The following ANKRD55 variants were observed in gnomAD, a reference collection of about 807,000 sequenced individuals.
The protein encoded by ANKRD55 is ankyrin repeat domain-containing protein 55.
A neutral mutation model predicts 60.6 loss-of-function variants in ANKRD55; 41 were observed. The observed-to-expected ratio is 0.68, with a 90% CI of 0.53 to 0.88. ANKRD55 has a LOEUF of 0.88. Among genes scored for constraint, ANKRD55 ranks in the 40% least tolerant of loss-of-function variants. The pLI, the probability that ANKRD55 is intolerant of heterozygous loss-of-function variation, is 0.00. For missense variants in ANKRD55, 732 were observed against 767.6 expected (o/e 0.95, Z 0.55); for synonymous variants, 264 against 290.3 (o/e 0.91, Z 0.92).
chr5:56,220,045 T>C (rs1759922172), intron 2 of ANKRD55, among the ~76,000 whole-genome samples: 1 of 152,216 alleles, frequency 6.6e-6, no homozygotes, highest in South Asian at 2.1e-4. Context: ...GAGGCTGAGC[T>C]GAGGGAGAGC....
intron 7 of ANKRD55, among the ~76,000 whole-genome samples, chr5:56,128,333 C>T (rs566739395): frequency 2.0e-5 from 3 of 152,284 alleles, no homozygotes; most frequent in South Asian, 2.1e-4. Flanking sequence ...ACCCCACACT[C>T]GTACTCTCTT....
At chr5:56,190,653 G>A (rs1262398927) in intron 2 of ANKRD55, among the ~76,000 whole-genome samples, 1 of 151,966 alleles carries the variant, frequency 6.6e-6, no homozygotes, top group African/African-American at 2.4e-5. Context: ...AACTTATTTG[G>A]CTCATGGTTC....
At chr5:56,117,758 C>T (rs1756923204) in intron 8 of ANKRD55, among the ~76,000 whole-genome samples, 2 of 152,136 alleles carry the variant, frequency 1.3e-5, no homozygotes, top group South Asian at 4.1e-4. Context: ...GGCTGACTTT[C>T]AATTTTTAAG....
intron 7 of ANKRD55, among the ~76,000 whole-genome samples, chr5:56,132,648 C>A (rs1333975214): frequency 6.7e-6 from 1 of 149,644 alleles, no homozygotes; most frequent in African/African-American, 2.5e-5. Context: ...CAAATATGAT[C>A]GATGTTACTC....
chr5:56,214,623 C>T (rs1759759220), intron 2 of ANKRD55, among the ~76,000 whole-genome samples: 1 of 152,192 alleles, frequency 6.6e-6, no homozygotes, highest in African/African-American at 2.4e-5. Flanking sequence ...CTCCAGTGGC[C>T]ATGGGATTTA....
chr5:56,127,536 G>A (rs756980840), intron 7 of ANKRD55: 235 of 985,242 alleles, frequency 2.4e-4, no homozygotes, highest in Admixed American at 3.7e-4. Context: ...TTAAAGAAGT[G>A]ACTATGATGA....
At chr5:56,127,609 G>A in intron 7 of ANKRD55, 1 of 982,898 alleles carries the variant, frequency 1.0e-6, no homozygotes, top group Non-Finnish European at 1.2e-6. Context: ...CCAAGGAGCA[G>A]GGGGCTGAGA....
rs1236229181 is a variant in ANKRD55 at position 56,183,523 on chromosome 5, C to G, written c.170G>C (p.Cys57Ser). 2 of 1,614,022 alleles carry G rather than the reference C, an allele frequency of 1.2e-6. No individual in the cohort carries two copies. Among genetic ancestry groups the G allele is most frequent in the Non-Finnish European group, 1.7e-6 (2 of 1,180,012 alleles). ...CATACATATCTCACCTTCACTGTCA[C>G]AGCATTCTAGGATAGAAGGGTCTTC... ...IREDPSILECCDSEGCTPLMH... is the reference protein window; with the variant it reads ...IREDPSILECSDSEGCTPLMH... Residue 57 changes from cysteine (C) to serine (S), a missense_variant, in exon 3 of 12, where the codon TGT (cysteine) becomes TCT (serine). Transcript: ENST00000341048.
chr5:56,170,870 C>T, intron 4 of ANKRD55, 67 bp from the exon 5 acceptor site: 1 of 1,440,620 alleles, frequency 6.9e-7, no homozygotes. Context: ...AACAAACTTT[C>T]TCTAGATTTT....
At chr5:56,106,154 A>T (rs947058715) in intron 10 of ANKRD55, among the ~76,000 whole-genome samples, 6 of 152,200 alleles carry the variant, frequency 3.9e-5, no homozygotes, top group Non-Finnish European at 5.9e-5. Context: ...TAACAGCAGC[A>T]CTACTAACTC....
In ANKRD55 at chr5:56,100,249, T is replaced by C. The variant is rs1214069004; in HGVS notation, c.1779A>G (p.Gln593=). Residue 593 remains glutamine, a synonymous_variant, in exon 12 of 12, where the codon CAA becomes CAG. Transcript: ENST00000341048. ...CTTCTGCTGCTGTGCTGTGTCTTCG[T>C]TGACTTGGAATTGCAGGAAGCACTC... ...TNRVLPAIPS[Q]RRHSTAAEES... The C allele has an allele frequency of 6.2e-7, 1 of 1,614,122 alleles. No individual in the cohort carries two copies. The highest frequency in any genetic ancestry group is 8.5e-7 in the Non-Finnish European group (1 of 1,180,056).
In ANKRD55 at chr5:56,232,845, C is replaced by T. The variant is rs1273582274; in HGVS notation, c.58+11G>A. 2 of 1,613,462 alleles carry T rather than the reference C, an allele frequency of 1.2e-6. No homozygotes were observed. The highest frequency in any genetic ancestry group is 2.2e-5 in the South Asian group (2 of 91,070). On this transcript the variant is annotated intron_variant, in intron 2 of 11. Transcript: ENST00000341048. ...CTAACAACCAAAGAATGTGTTAAAGCAGCATTTTACCTCTTTGCTGATCAA... is the reference window on the plus strand; with the variant it reads ...CTAACAACCAAAGAATGTGTTAAAGTAGCATTTTACCTCTTTGCTGATCAA...
intron 7 of ANKRD55, among the ~76,000 whole-genome samples, chr5:56,143,386 A>G (rs1230149156): frequency 1.3e-5 from 2 of 152,136 alleles, no homozygotes; most frequent in African/African-American, 4.8e-5. Flanking sequence ...ATGAGCCACT[A>G]CTTTCACTGT....
intron 2 of ANKRD55, among the ~76,000 whole-genome samples, chr5:56,184,932 C>T (rs1758935896): frequency 1.3e-5 from 2 of 151,272 alleles, no homozygotes; most frequent in South Asian, 2.1e-4. Flanking sequence ...AACTATGGGT[C>T]AAGTGGGGCT....
chr5:56,134,389 C>A lies in ANKRD55; in HGVS notation c.613-7283G>T, dbSNP rs1304842860. Among the ~76,000 whole-genome samples the A allele has an allele frequency of 1.8e-5, 2 of 113,506 alleles. 1 individual carries two copies. Among genetic ancestry groups the A allele is most frequent in the African/African-American group, 5.7e-5 (2 of 34,836 alleles). The allele number at this position is 113,506 out of a possible 152,430, so 74.5% of individuals were successfully genotyped here. A position where few individuals can be genotyped will look rare whatever the true frequency, so the allele number is the denominator to read the frequency against. ...GGTCAGGAGTTCGAGACCAGCCTGG[C>A]CAACATGGCGAAACCTGGTGTCTAC... On this transcript the variant is annotated intron_variant, in intron 7 of 11. Transcript: ENST00000341048.
chr5:56,126,434 C>G (rs1757257938), intron 8 of ANKRD55, among the ~76,000 whole-genome samples: 1 of 152,142 alleles, frequency 6.6e-6, no homozygotes, highest in Non-Finnish European at 1.5e-5. Flanking sequence ...GACCTAGCTT[C>G]CTTTTTCAGA....
intron 2 of ANKRD55, among the ~76,000 whole-genome samples, chr5:56,220,339 T>C (rs183174202): frequency 4.1e-4 from 63 of 152,232 alleles, no homozygotes; most frequent in African/African-American, 1.4e-3. Context: ...GCTCAGGTTA[T>C]TGGGGGCACA....
chr5:56,179,119 CAAGA>C (rs1758804392), intron 3 of ANKRD55, among the ~76,000 whole-genome samples: 1 of 152,004 alleles, frequency 6.6e-6, no homozygotes, highest in African/African-American at 2.4e-5. Flanking sequence ...ACTAAACTAA[CAAGA>C]AATGGCATAA....
intron 2 of ANKRD55, among the ~76,000 whole-genome samples, chr5:56,210,179 T>C (rs545981391): frequency 3.2e-4 from 49 of 151,500 alleles, no homozygotes; most frequent in Non-Finnish European, 6.6e-4. Context: ...GAAATGGTCA[T>C]TTTTTTCTTT....
Sources: gnomAD v4.1 joint callset for allele counts (sites outside exome capture counted in the v4.1 genomes callset) on GRCh38, gnomAD v4.1.1 for gene constraint, MANE v1.5 for transcripts, NCBI Gene and HGNC (gene_info 2026-07-23, HGNC 2026-07-21) for gene names.